Variants in PGAP1 observed in about 807,000 individuals in gnomAD.
The protein encoded by PGAP1 is post-GPI attachment to proteins inositol deacylase 1, also known as GPI inositol-deacylase.
In PGAP1, 76 loss-of-function variants were observed where a neutral mutation model predicts 127.0. That is an observed-to-expected ratio of 0.60 (90% confidence interval 0.50 to 0.72). The LOEUF (loss-of-function observed/expected upper bound fraction) is 0.72, where lower values mean the gene tolerates loss of function less well. Ranked by LOEUF, PGAP1 falls within the 30% of genes least tolerant of loss-of-function variation. The pLI is 0.00. For missense variants in PGAP1, 982 were observed against 1,071.3 expected (o/e 0.92, Z 1.16); for synonymous variants, 362 against 366.5 (o/e 0.99, Z 0.14).
intron 24 of PGAP1, 51 bp from the exon 25 acceptor site, chr2:196,844,126 C>CT: frequency 9.1e-7 from 1 of 1,103,212 alleles, no homozygotes; most frequent in Non-Finnish European, 1.2e-6. Context: ...AAGTATATTA[C>CT]TTTATTTAGA....
chr2:196,833,165 C>T lies in PGAP1; in HGVS notation c.*8069G>A, dbSNP rs1700141037. 6.6e-6 allele frequency: 1 copy of T among 152,478 alleles called. No individual in the cohort carries two copies. The highest frequency in any genetic ancestry group is 1.5e-5 in the Non-Finnish European group (1 of 67,986). 9.4% of individuals were successfully genotyped at this position (152,478 alleles called of 1,614,324 possible). A position where few individuals can be genotyped will look rare whatever the true frequency, so the allele number is the denominator to read the frequency against. On this transcript the variant is annotated 3_prime_UTR_variant, in exon 27 of 27. Transcript: ENST00000354764. ...CATAATGCTCAAACACAGGTAAAAA[C>T]ATTCACAACACACTCTACAGAATAT...
intron 1 of PGAP1, among the ~76,000 whole-genome samples, chr2:196,921,829 G>C (rs1703203260): frequency 6.6e-6 from 1 of 152,036 alleles, no homozygotes. Context: ...AAATAAGAGA[G>C]GAGGCAAGAA....
Position 196,892,023 on chromosome 2 carries a change from C to T in PGAP1, c.1089+323G>A, listed in dbSNP as rs538026065. 2.7e-5 allele frequency among the ~76,000 whole-genome samples: 4 copies of T among 150,524 alleles called. No individual in the cohort carries two copies. In the East Asian group the frequency reaches 7.8e-4, roughly 29 times the overall value. On this transcript the variant is annotated intron_variant, in intron 9 of 26. Coordinates refer to ENST00000354764, the MANE Select transcript of PGAP1 (RefSeq NM_024989.4). ...ACAAATGACTTGGTATTTTTTTCAA[C>T]AAATAAGTTTCAAGAAAAAAAAGGG...
Position 196,835,555 on chromosome 2 carries a change from T to G in PGAP1, c.*5679A>C, listed in dbSNP as rs1316491883. On this transcript the variant is annotated 3_prime_UTR_variant, in exon 27 of 27. Transcript: ENST00000354764. Reference sequence around the variant, plus strand: ...CACTAGGCTACAAATCTTGAATATTTTCAAAGAAAAATTAGGGTATGAAAT... The same window carrying G: ...CACTAGGCTACAAATCTTGAATATTGTCAAAGAAAAATTAGGGTATGAAAT... 1.3e-5 allele frequency: 2 copies of G among 152,304 alleles called. No homozygotes were observed. The highest frequency in any genetic ancestry group is 2.9e-5 in the Non-Finnish European group (2 of 67,896). The allele number at this position is 152,304 out of a possible 1,614,324, so 9.4% of individuals were successfully genotyped here. A position where few individuals can be genotyped will look rare whatever the true frequency, so the allele number is the denominator to read the frequency against.
At chr2:196,925,933 G>T (rs553015112) in intron 1 of PGAP1, among the ~76,000 whole-genome samples, 3 of 152,170 alleles carry the variant, frequency 2.0e-5, no homozygotes, top group South Asian at 4.1e-4. Context: ...ACAGCCTTGG[G>T]AACTATCTAG....
intron 1 of PGAP1, chr2:196,922,587 C>CAG (rs1035722863): frequency 5.0e-5 from 38 of 754,550 alleles, no homozygotes; most frequent in Non-Finnish European, 6.1e-5. Context: ...GACACACACA[C>CAG]ACACACACAC....
intron 5 of PGAP1, among the ~76,000 whole-genome samples, chr2:196,899,776 G>T (rs775675256): frequency 2.0e-5 from 3 of 152,196 alleles, no homozygotes; most frequent in Non-Finnish European, 4.4e-5. Flanking sequence ...GCTCACGCCT[G>T]TAATCCCAAC....
intron 14 of PGAP1, among the ~76,000 whole-genome samples, chr2:196,874,279 A>C (rs1026917360): frequency 6.6e-6 from 1 of 152,144 alleles, no homozygotes; most frequent in Non-Finnish European, 1.5e-5. Flanking sequence ...ATATAATGAT[A>C]GAATTGGATT....
chr2:196,847,800 C>T (rs1576090073), intron 21 of PGAP1, 147 bp downstream of exon 21: 1 of 524,026 alleles, frequency 1.9e-6, no homozygotes, highest in Non-Finnish European at 3.3e-6. Context: ...ACTTATTAGA[C>T]CTTTGCCTAA....
chr2:196,887,219 C>T (rs1278189298), intron 10 of PGAP1, among the ~76,000 whole-genome samples: 2 of 151,956 alleles, frequency 1.3e-5, no homozygotes, highest in Non-Finnish European at 2.9e-5. Context: ...CCCGTCTCTG[C>T]TAAAAATACA....
intron 19 of PGAP1, among the ~76,000 whole-genome samples, chr2:196,866,103 A>C (rs1234750723): frequency 6.6e-6 from 1 of 152,210 alleles, no homozygotes. Context: ...GTCTTTCTTC[A>C]CAGAATTAGA....
chr2:196,856,709 C>T (rs1007644859), intron 20 of PGAP1, among the ~76,000 whole-genome samples: 2 of 152,162 alleles, frequency 1.3e-5, no homozygotes, highest in African/African-American at 4.8e-5. Flanking sequence ...CTTCAGATAG[C>T]TTTTCCCAAG....
Position 196,848,004 on chromosome 2 carries a change from T to G in PGAP1, c.1895A>C (p.Lys632Thr). The G allele has an allele frequency of 1.2e-6, 2 of 1,602,982 alleles. No individual in the cohort carries two copies. The highest frequency in any genetic ancestry group is 1.7e-6 in the Non-Finnish European group (2 of 1,176,108). Reference protein sequence around the residue: ...CCLEYATMLDKEAKPYKVDPF... With the variant: ...CCLEYATMLDTEAKPYKVDPF... ...ATCAACTTTGTATGGTTTGGCTTCT[T>G]TATCCAACATGGTAGCATATTCTAA... Residue 632 changes from lysine (K) to threonine (T), a missense_variant, in exon 21 of 27, where the codon AAA becomes ACA. Physicochemically the swap from Lys to Thr is moderately conservative, Grantham distance 78. Coordinates refer to ENST00000354764, the MANE Select transcript of PGAP1 (RefSeq NM_024989.4).
In PGAP1 at chr2:196,885,135, T is replaced by C. The variant is rs180986072; in HGVS notation, c.1272+289A>G. 2.5e-3 allele frequency among the ~76,000 whole-genome samples: 378 copies of C among 152,326 alleles called. 1 individual carries two copies. The highest frequency in any genetic ancestry group is 4.3e-3 in the Non-Finnish European group (294 of 68,016). On this transcript the variant is annotated intron_variant, in intron 12 of 26. Transcript: ENST00000354764. ...CATTCAAACATATCCTCAAATTGAA[T>C]GTTAGAAATCCATCCAGTTCTTTTT...
At position 196,838,591 on chromosome 2, in the gene PGAP1, C is replaced by T. The variant is rs1388762916; in HGVS notation, c.*2643G>A. 1 of 152,028 alleles carries T rather than the reference C, an allele frequency of 6.6e-6. No individual in the cohort carries two copies. The highest frequency in any genetic ancestry group is 1.5e-5 in the Non-Finnish European group (1 of 68,014). The allele number at this position is 152,028 out of a possible 1,614,324, so 9.4% of individuals were successfully genotyped here. ...ATATACACATATAATGGCTAAAGAC[C>T]CAACCTACTATTGATTATAAAATGT... On this transcript the variant is annotated 3_prime_UTR_variant, in exon 27 of 27. Transcript: ENST00000354764.
chr2:196,845,251 T>G (rs1342160340), intron 23 of PGAP1, among the ~76,000 whole-genome samples: 1 of 151,854 alleles, frequency 6.6e-6, no homozygotes, highest in Non-Finnish European at 1.5e-5. Context: ...TTTACACTTT[T>G]AAAAATTTCA....
chr2:196,890,723 C>T (rs139048843), intron 10 of PGAP1, 105 bp downstream of exon 10: 1 of 642,460 alleles, frequency 1.6e-6, no homozygotes, highest in East Asian at 2.6e-5. Context: ...TTTTCAACTA[C>T]TTAGATTTAA....
intron 22 of PGAP1, 67 bp downstream of exon 22, chr2:196,846,936 G>T: frequency 1.6e-6 from 2 of 1,285,448 alleles, no homozygotes; most frequent in South Asian, 1.4e-5. Flanking sequence ...ATTAATTTCA[G>T]GTTCCTTATC....
chr2:196,886,149 G>A (rs1701895606), intron 10 of PGAP1, among the ~76,000 whole-genome samples: 1 of 150,036 alleles, frequency 6.7e-6, no homozygotes, highest in African/African-American at 2.5e-5. Context: ...TGCCCTGACT[G>A]GTTATCTCTT....
Sources: allele counts gnomAD v4.1 joint callset (sites outside exome capture counted in the v4.1 genomes callset), GRCh38; gene constraint gnomAD v4.1.1; transcripts MANE v1.5; gene names NCBI Gene and HGNC (gene_info 2026-07-23, HGNC 2026-07-21).